Variants in ITFG1 observed in about 807,000 individuals in gnomAD.
ITFG1 encodes the protein integrin alpha FG-GAP repeat containing 1.
Under a neutral mutation model 81.8 loss-of-function variants are expected in ITFG1, and 34 were observed. That is an observed-to-expected ratio of 0.42 (90% CI 0.32 to 0.55). ITFG1 has a LOEUF of 0.55. ITFG1 is among the 20% of genes least tolerant of loss of function. The probability of loss-of-function intolerance (pLI) is 0.17; values close to 1 mark genes in which losing one functional copy is unlikely to be tolerated. For synonymous variants in ITFG1, 285 were observed against 270.6 expected, an observed-to-expected ratio of 1.05 and a Z score of -0.52; for missense variants, 672 against 755.4, an observed-to-expected ratio of 0.89 and a Z score of 1.29.
At chr16:47,403,676 A>C (rs1328311006) in intron 6 of ITFG1, among the ~76,000 whole-genome samples, 2 of 151,446 alleles carry the variant, frequency 1.3e-5, no homozygotes, top group Non-Finnish European at 1.5e-5. Context: ...ATGCATGTGC[A>C]AGTATTTTAT....
chr16:47,402,630 T>C (rs575784062), intron 6 of ITFG1, among the ~76,000 whole-genome samples: 5 of 152,378 alleles, frequency 3.3e-5, no homozygotes, highest in African/African-American at 1.2e-4. Flanking sequence ...TTCCACTTGG[T>C]ATCAAATGCC....
intron 14 of ITFG1, among the ~76,000 whole-genome samples, chr16:47,183,799 C>T (rs540778531): frequency 2.0e-5 from 3 of 152,312 alleles, no homozygotes; most frequent in South Asian, 4.1e-4. Flanking sequence ...ATGACTTTGA[C>T]GAGCTGAGAG....
At chr16:47,365,965 A>C in intron 7 of ITFG1, 96 bp from the exon 8 acceptor site, 1 of 671,358 alleles carries the variant, frequency 1.5e-6, no homozygotes, top group Non-Finnish European at 2.7e-6. Context: ...GAAATAAATA[A>C]CTTCAGTATT....
intron 5 of ITFG1, among the ~76,000 whole-genome samples, chr16:47,447,762 T>C (rs1251413590): frequency 6.6e-6 from 1 of 152,196 alleles, no homozygotes; most frequent in Non-Finnish European, 1.5e-5. Flanking sequence ...TGCTAAAAGT[T>C]TTTCACTGTT....
intron 13 of ITFG1, among the ~76,000 whole-genome samples, chr16:47,235,399 G>C (rs550539238): frequency 2.0e-5 from 3 of 152,272 alleles, no homozygotes; most frequent in South Asian, 4.2e-4. Context: ...AGAGTGGGAG[G>C]GCTGGAAAAT....
chr16:47,443,963 GTTCA>G (rs959218103), intron 5 of ITFG1, among the ~76,000 whole-genome samples: 5 of 152,042 alleles, frequency 3.3e-5, no homozygotes, highest in African/African-American at 1.2e-4. Flanking sequence ...TGCTGATCTA[GTTCA>G]TTCAATTTAC....
intron 6 of ITFG1, among the ~76,000 whole-genome samples, chr16:47,428,124 T>C (rs1315523546): frequency 6.6e-6 from 1 of 152,146 alleles, no homozygotes; most frequent in Non-Finnish European, 1.5e-5. Context: ...CGGAACAGAG[T>C]GAGACCCTCT....
intron 8 of ITFG1, among the ~76,000 whole-genome samples, chr16:47,344,360 A>C (rs1967823400): frequency 6.6e-6 from 1 of 152,242 alleles, no homozygotes; most frequent in Non-Finnish European, 1.5e-5. Flanking sequence ...ATATGTGGGC[A>C]GAAGGGAACT....
At chr16:47,380,212 T>C (rs896099904) in intron 6 of ITFG1, among the ~76,000 whole-genome samples, 1 of 152,092 alleles carries the variant, frequency 6.6e-6, no homozygotes, top group African/African-American at 2.4e-5. Flanking sequence ...ACAAAATACA[T>C]GATTCATGGA....
intron 14 of ITFG1, among the ~76,000 whole-genome samples, chr16:47,179,666 C>T (rs903268884): frequency 9.9e-5 from 15 of 152,002 alleles, no homozygotes; most frequent in Admixed American, 5.2e-4. Context: ...GCTGTCTTCA[C>T]GGAAAGCCAT....
intron 6 of ITFG1, 73 bp from the exon 7 acceptor site, chr16:47,376,013 A>G: frequency 1.3e-6 from 1 of 786,246 alleles, no homozygotes. Context: ...CAGAAAAAAA[A>G]TGCAATACAT....
intron 6 of ITFG1, among the ~76,000 whole-genome samples, chr16:47,384,910 C>T (rs1968441347): frequency 6.6e-6 from 1 of 152,150 alleles, no homozygotes; most frequent in Admixed American, 6.5e-5. Flanking sequence ...AGGTTACTGT[C>T]TCTACTACTT....
intron 10 of ITFG1, 62 bp from the exon 11 acceptor site, chr16:47,260,757 T>C (rs576318944): frequency 1.0e-5 from 15 of 1,497,606 alleles, no homozygotes; most frequent in African/African-American, 4.2e-5. Flanking sequence ...ATCGGCTCTG[T>C]AGTATTTCCT....
rs558269187 is a variant in ITFG1, at chr16:47,189,193, T to G, written c.1454-26529A>C. ...ATTTAGAATGTGAGTAGTTTTTATG[T>G]TTCTTCTTTTGTGTTAAATTGGTAT... On this transcript the variant is annotated intron_variant, in intron 14 of 17. Coordinates refer to ENST00000320640, the MANE Select transcript of ITFG1 (RefSeq NM_030790.5). Among the ~76,000 whole-genome samples the G allele has an allele frequency of 7.7e-4, 117 of 152,248 alleles. 1 individual carries two copies. The highest frequency in any genetic ancestry group is 1.2e-3 in the Non-Finnish European group (84 of 68,044).
chr16:47,167,600 C>A (rs1964909336), intron 14 of ITFG1, among the ~76,000 whole-genome samples: 1 of 152,018 alleles, frequency 6.6e-6, no homozygotes, highest in South Asian at 2.1e-4. Context: ...TTTTCCTTTA[C>A]CTACCCAAAG....
intron 12 of ITFG1, among the ~76,000 whole-genome samples, chr16:47,243,699 G>GT (rs1212704041): frequency 5.3e-5 from 8 of 152,066 alleles, no homozygotes; most frequent in African/African-American, 1.9e-4. Context: ...CTTTGTTAAG[G>GT]TAAAAAAACC....
intron 8 of ITFG1, among the ~76,000 whole-genome samples, chr16:47,330,266 T>TAC (rs991466790): frequency 2.6e-5 from 4 of 152,184 alleles, no homozygotes; most frequent in Non-Finnish European, 5.9e-5. Context: ...ACTGGACCCC[T>TAC]ACCTCTTACC....
chr16:47,348,215 A>C (rs987114465), intron 8 of ITFG1, among the ~76,000 whole-genome samples: 5 of 152,214 alleles, frequency 3.3e-5, no homozygotes, highest in Middle Eastern at 3.2e-3. Context: ...GACGGAGAAT[A>C]ACTTTGACGA....
At chr16:47,255,110 G>C (rs1437992250) in intron 12 of ITFG1, among the ~76,000 whole-genome samples, 1 of 152,040 alleles carries the variant, frequency 6.6e-6, no homozygotes, top group Non-Finnish European at 1.5e-5. Flanking sequence ...GAAGTACACT[G>C]GCAAAATTCA....
Sources: allele counts gnomAD v4.1 joint callset (sites outside exome capture counted in the v4.1 genomes callset), GRCh38; gene constraint gnomAD v4.1.1; transcripts MANE v1.5; gene names NCBI Gene and HGNC (gene_info 2026-07-23, HGNC 2026-07-21).